Variants in CHD7 observed in about 807,000 individuals in gnomAD.
CHD7 encodes ATP-dependent chromatin remodeler CHD7.
A neutral mutation model predicts 307.3 loss-of-function variants in CHD7; 24 were observed. The observed-to-expected ratio is 0.08, with a 90% CI of 0.06 to 0.11. The LOEUF is 0.11. Ranked by LOEUF, CHD7 falls within the 10% of genes least tolerant of loss-of-function variation. The pLI is 1.00. For missense variants in CHD7, 3,106 were observed against 3,727.1 expected (o/e 0.83, Z 4.34); for synonymous variants, 1,363 against 1,349.9 (o/e 1.01, Z -0.21).
At chr8:60,706,309 T>TC (rs1807020064) in intron 1 of CHD7, among the ~76,000 whole-genome samples, 1 of 152,212 alleles carries the variant, frequency 6.6e-6, no homozygotes, top group African/African-American at 2.4e-5. Context: ...AGGAAGTAGT[T>TC]AGGAATAATT....
chr8:60,832,699 C>T (rs2150769274), intron 15 of CHD7, among the ~76,000 whole-genome samples: 1 of 152,320 alleles, frequency 6.6e-6, no homozygotes, highest in East Asian at 1.9e-4. Flanking sequence ...TTGACACCCC[C>T]AGTTCCATCA....
chr8:60,821,675 CATAT>C lies in CHD7; in HGVS notation c.2698-109_2698-106del, dbSNP rs549229393. 4.3e-5 allele frequency: 33 copies of C among 767,010 alleles called. 1 individual carries two copies. Among genetic ancestry groups the C allele is most frequent in the African/African-American group, 3.6e-4 (20 of 56,142 alleles). The allele number at this position is 767,010 out of a possible 1,614,324, so 47.5% of individuals were successfully genotyped here. A position where few individuals can be genotyped will look rare whatever the true frequency, so the allele number is the denominator to read the frequency against. ...ATACACATACATATATATGTATAAA[CATAT>C]ATATACACACATACATATCTATATG... is the stretch of plus-strand genomic sequence containing the variant. On this transcript the variant is annotated intron_variant, in intron 9 of 37. Coordinates refer to ENST00000423902, the MANE Select transcript of CHD7 (RefSeq NM_017780.4).
intron 3 of CHD7, among the ~76,000 whole-genome samples, chr8:60,792,425 T>G (rs542668700): frequency 6.6e-6 from 1 of 152,298 alleles, no homozygotes; most frequent in African/African-American, 2.4e-5. Context: ...TAGGGTGTTC[T>G]TTGATTTGTA....
intron 7 of CHD7, among the ~76,000 whole-genome samples, chr8:60,814,555 C>T (rs879451835): frequency 2.0e-5 from 3 of 152,180 alleles, no homozygotes; most frequent in Non-Finnish European, 2.9e-5. Flanking sequence ...AAGCAATTCT[C>T]CCGCCTCAGC....
rs576509258 is a variant in CHD7 at position 60,727,375 on chromosome 8, C to A, written c.-174-13884C>A. Among the ~76,000 whole-genome samples the A allele has an allele frequency of 5.9e-5, 9 of 152,278 alleles. No individual in the cohort carries two copies. In the East Asian group the frequency reaches 9.6e-4, roughly 16 times the overall value. On this transcript the variant is annotated intron_variant, in intron 1 of 37. Transcript: ENST00000423902. ...ACTCCTGATCTCAAGTGATCCCCCC[C>A]ACCTTGGCCTCCCAAAGTGTTGAGA...
At chr8:60,740,573 G>T (rs927662023) in intron 1 of CHD7, among the ~76,000 whole-genome samples, 1 of 152,136 alleles carries the variant, frequency 6.6e-6, no homozygotes, top group East Asian at 1.9e-4. Flanking sequence ...TCTGAATCTT[G>T]TATATTTCTG....
chr8:60,743,795 T>C (rs1809182596), intron 2 of CHD7, among the ~76,000 whole-genome samples: 1 of 152,242 alleles, frequency 6.6e-6, no homozygotes, highest in South Asian at 2.1e-4. Context: ...AAGACATCTT[T>C]CCATTATAAA....
intron 1 of CHD7, among the ~76,000 whole-genome samples, chr8:60,691,459 T>C (rs1806192398): frequency 6.6e-6 from 1 of 152,256 alleles, no homozygotes; most frequent in Admixed American, 6.5e-5. Flanking sequence ...TCTTTTACTC[T>C]CCTGATACAC....
At chr8:60,826,371 A>G (rs934610405) in intron 13 of CHD7, among the ~76,000 whole-genome samples, 1 of 152,260 alleles carries the variant, frequency 6.6e-6, no homozygotes, top group African/African-American at 2.4e-5. Context: ...ATTGTTCAGA[A>G]TATAATTATG....
chr8:60,720,088 T>G (rs952609535), intron 1 of CHD7, among the ~76,000 whole-genome samples: 1 of 152,192 alleles, frequency 6.6e-6, no homozygotes, highest in African/African-American at 2.4e-5. Flanking sequence ...CCTTTTTTCC[T>G]GAAATACTGT....
At chr8:60,788,055 C>T (rs1162783773) in intron 3 of CHD7, among the ~76,000 whole-genome samples, 2 of 151,762 alleles carry the variant, frequency 1.3e-5, no homozygotes, top group African/African-American at 2.4e-5. Context: ...CGCCTATCCT[C>T]AAGTGATCCG....
At chr8:60,724,222 A>ACTT (rs1808058760) in intron 1 of CHD7, among the ~76,000 whole-genome samples, 1 of 152,138 alleles carries the variant, frequency 6.6e-6, no homozygotes, top group Admixed American at 6.5e-5. Context: ...AAGACAGCAG[A>ACTT]CTTCGTGTGG....
intron 1 of CHD7, among the ~76,000 whole-genome samples, chr8:60,688,226 C>T (rs570973707): frequency 1.5e-4 from 23 of 152,230 alleles, no homozygotes; most frequent in African/African-American, 5.1e-4. Context: ...CGGACAGATA[C>T]GGGTGTGAAT....
chr8:60,774,344 G>T (rs1810852054), intron 2 of CHD7, among the ~76,000 whole-genome samples: 1 of 152,234 alleles, frequency 6.6e-6, no homozygotes, highest in Non-Finnish European at 1.5e-5. Flanking sequence ...TACAGGAACT[G>T]AAGATGAGGT....
In CHD7 at chr8:60,865,582, T is replaced by C. The variant is rs772456401; in HGVS notation, c.8643T>C (p.Ala2881=). The change falls in exon 38 of 38, where the codon GCT becomes GCC. Residue 2881 remains alanine (A), a synonymous_variant. Coordinates refer to ENST00000423902, the MANE Select transcript of CHD7 (RefSeq NM_017780.4). The surrounding 1 kb of genome is among the most constrained non-coding windows in gnomAD (Gnocchi z 4.3). Reference sequence around the variant, plus strand: ...CTGTTGGTGCTGCTACTGCCCCGGCTGGATTGCCCTCAAACCCGCTAGCCT... The same window carrying C: ...CTGTTGGTGCTGCTACTGCCCCGGCCGGATTGCCCTCAAACCCGCTAGCCT... ...NGSVGAATAP[A]GLPSNPLAFN... 1 of 1,614,062 alleles carries C rather than the reference T, an allele frequency of 6.2e-7. No individual in the cohort carries two copies. Among genetic ancestry groups the C allele is most frequent in the Non-Finnish European group, 8.5e-7 (1 of 1,179,898 alleles).
chr8:60,703,763 A>G (rs180756271), intron 1 of CHD7, among the ~76,000 whole-genome samples: 5 of 152,120 alleles, frequency 3.3e-5, no homozygotes, highest in African/African-American at 7.2e-5. Flanking sequence ...CCTTCCCTCT[A>G]TTGAGCCAGC....
At chr8:60,740,811 T>C (rs1437452370) in intron 1 of CHD7, among the ~76,000 whole-genome samples, 3 of 152,242 alleles carry the variant, frequency 2.0e-5, no homozygotes, top group African/African-American at 7.2e-5. Context: ...GTTGCTCATC[T>C]GATTACACCG....
chr8:60,721,531 T>G (rs1026154836), intron 1 of CHD7, among the ~76,000 whole-genome samples: 1 of 152,240 alleles, frequency 6.6e-6, no homozygotes, highest in Admixed American at 6.5e-5. Context: ...ACCACAGTCC[T>G]GGTGGTTGAG....
intron 32 of CHD7, chr8:60,854,988 T>C (rs1433521852): frequency 6.6e-6 from 1 of 152,302 alleles, no homozygotes; most frequent in African/African-American, 2.4e-5. Context: ...ATTCCAAATG[T>C]AGTTATCTGT....
Sources: gnomAD v4.1 joint callset for allele counts (sites outside exome capture counted in the v4.1 genomes callset) on GRCh38, gnomAD v4.1.1 for gene constraint, Gnocchi (gnomAD v3.1) non-coding constraint, MANE v1.5 for transcripts, NCBI Gene and HGNC (gene_info 2026-07-23, HGNC 2026-07-21) for gene names.